The following ZBTB11 variants were observed in gnomAD, a reference collection of about 807,000 sequenced individuals.
The protein encoded by ZBTB11 is zinc finger and BTB domain-containing protein 11.
In ZBTB11, 68 loss-of-function variants were observed where a neutral mutation model predicts 113.1. The observed-to-expected ratio is 0.60, with a 90% CI of 0.49 to 0.74. The LOEUF is 0.74. Among genes scored for constraint, ZBTB11 ranks in the 30% least tolerant of loss-of-function variants. The probability of loss-of-function intolerance (pLI) is 0.00; values close to 1 mark genes in which losing one functional copy is unlikely to be tolerated. For synonymous variants in ZBTB11, 518 were observed against 452.6 expected (o/e 1.14, Z -1.83); for missense variants, 1,104 against 1,279.4 (o/e 0.86, Z 2.09).
At chr3:101,670,636 T>G (rs1030849045) in intron 3 of ZBTB11, 1 of 152,556 alleles carries the variant, frequency 6.6e-6, no homozygotes, top group Non-Finnish European at 1.5e-5. Context: ...GCTTTTTATT[T>G]TTAGAGGCAG....
intron 3 of ZBTB11, among the ~76,000 whole-genome samples, chr3:101,666,710 A>G (rs911676996): frequency 9.2e-5 from 14 of 152,138 alleles, no homozygotes; most frequent in African/African-American, 2.9e-4. Flanking sequence ...GCTCTCCAGA[A>G]TTTCATTATA....
chr3:101,667,287 G>A (rs1937013117), intron 3 of ZBTB11, among the ~76,000 whole-genome samples: 1 of 152,160 alleles, frequency 6.6e-6, no homozygotes, highest in African/African-American at 2.4e-5. Context: ...GGATACTCCT[G>A]CCTTGGCATC....
rs1385253919 is a variant in ZBTB11 at position 101,651,012 on chromosome 3, T to C, written c.*154A>G. The C allele has an allele frequency of 3.7e-6, 3 of 807,790 alleles. No homozygotes were observed. Among genetic ancestry groups the C allele is most frequent in the Non-Finnish European group, 5.6e-6 (3 of 539,344 alleles). 50.0% of individuals were successfully genotyped at this position (807,790 alleles called of 1,614,324 possible). ...AAACGGACTTTTCTATAGAACCCATTGGCCAGACAAAATGTTTGGAAACGT... is the reference window on the plus strand; with the variant it reads ...AAACGGACTTTTCTATAGAACCCATCGGCCAGACAAAATGTTTGGAAACGT... On this transcript the variant is annotated 3_prime_UTR_variant, in exon 11 of 11. Coordinates refer to ENST00000312938, the MANE Select transcript of ZBTB11 (RefSeq NM_014415.4).
At position 101,656,251 on chromosome 3, in the gene ZBTB11, A is replaced by G. The variant is rs978405082; in HGVS notation, c.2047-3T>C. 2 of 1,541,946 alleles carry G rather than the reference A, an allele frequency of 1.3e-6. No homozygotes were observed. Among genetic ancestry groups the G allele is most frequent in the Non-Finnish European group, 1.7e-6 (2 of 1,145,662 alleles). On this transcript the variant is annotated splice_polypyrimidine_tract_variant and splice_region_variant and intron_variant, in intron 6 of 10. Transcript: ENST00000312938. ...TAGATAAAAGTCTTTCCACAGACCT[A>G]AGATAGAACAGGGGTGATTAAGTCA...
At chr3:101,654,862 C>G in intron 7 of ZBTB11, 41 bp from the exon 8 acceptor site, 1 of 1,537,790 alleles carries the variant, frequency 6.5e-7, no homozygotes, top group Non-Finnish European at 8.9e-7. Context: ...ATCCAGCAAT[C>G]AGTCCTCTTT....
Position 101,671,994 on chromosome 3 carries a change from T to C in ZBTB11, c.530A>G (p.Lys177Arg), listed in dbSNP as rs769460910. ...ACCACTTACAAACACAAGTTCATGTTTGGATACTGGCTTCTTTTTTGCAGG... is the reference window on the plus strand; with the variant it reads ...ACCACTTACAAACACAAGTTCATGTCTGGATACTGGCTTCTTTTTTGCAGG... Reference protein sequence around the residue: ...SKPAKKKPVSKHELVFVDTKG... With the variant: ...SKPAKKKPVSRHELVFVDTKG... Residue 177 changes from lysine to arginine, a missense_variant, in exon 2 of 11, where the codon AAA becomes AGA. By Grantham distance (26) the Lys-to-Arg change is conservative. Coordinates refer to ENST00000312938, the MANE Select transcript of ZBTB11 (RefSeq NM_014415.4). 3 of 1,613,970 alleles carry C rather than the reference T, an allele frequency of 1.9e-6. No individual in the cohort carries two copies. The highest frequency in any genetic ancestry group is 2.5e-6 in the Non-Finnish European group (3 of 1,179,844).
At position 101,665,192 on chromosome 3, in the gene ZBTB11, A is replaced by G. The variant is rs544289424; in HGVS notation, c.1395T>C (p.Ile465=). 2 of 1,614,172 alleles carry G rather than the reference A, an allele frequency of 1.2e-6. No homozygotes were observed. Among genetic ancestry groups the G allele is most frequent in the Non-Finnish European group, 1.7e-6 (2 of 1,180,032 alleles). ...TATGTTTTGGAATGTCTTCGGCACA[A>G]ATATCCTCAGCTGATATATCATTTC... is the stretch of plus-strand genomic sequence containing the variant. ...GMGNDISAED[I]CAEDIPKHRQ... Residue 465 remains isoleucine (I), a synonymous_variant, in exon 4 of 11, where the codon ATT becomes ATC. Transcript: ENST00000312938.
intron 3 of ZBTB11, among the ~76,000 whole-genome samples, chr3:101,666,582 T>C (rs1289297099): frequency 2.6e-5 from 4 of 152,206 alleles, no homozygotes; most frequent in African/African-American, 7.2e-5. Context: ...TTTTCTAAAA[T>C]TCTCAGTGAT....
At position 101,657,785 on chromosome 3, in the gene ZBTB11, G is replaced by A. The variant is rs1936823976; in HGVS notation, c.2047-1537C>T. Among the ~76,000 whole-genome samples the A allele has an allele frequency of 2.0e-5, 3 of 152,084 alleles. No individual in the cohort carries two copies. In the South Asian group the frequency reaches 6.2e-4, roughly 32 times the overall value. ...GAACAGCTTGAGACCAGGAGTTCAA[G>A]ACCAGTCTGGGCAATATAGCAAGAT... On this transcript the variant is annotated intron_variant, in intron 6 of 10. Transcript: ENST00000312938.
intron 3 of ZBTB11, among the ~76,000 whole-genome samples, chr3:101,670,413 AAATTCTAGTGAAGCCAAAAGAAAGTTG>A: frequency 6.6e-6 from 1 of 152,368 alleles, no homozygotes; most frequent in East Asian, 1.9e-4. Context: ...GCCAATATAT[AAATTCTAGTGAAGCCAAAAGAAAGTTG>A]AACTATTTAT....
chr3:101,661,869 AC>A (rs1936893408), intron 5 of ZBTB11, among the ~76,000 whole-genome samples: 1 of 152,090 alleles, frequency 6.6e-6, no homozygotes, highest in Non-Finnish European at 1.5e-5. Context: ...AGTATCTCAG[AC>A]CAATTCTATT....
chr3:101,664,466 T>C (rs1576648795), intron 5 of ZBTB11, 72 bp downstream of exon 5: 1 of 1,422,466 alleles, frequency 7.0e-7, no homozygotes, highest in Non-Finnish European at 9.5e-7. Flanking sequence ...AGCGAAAAGA[T>C]AACCATGCAG....
rs571557830 is a variant in ZBTB11 at position 101,667,837 on chromosome 3, A to G, written c.779-2029T>C. 5.9e-5 allele frequency among the ~76,000 whole-genome samples: 9 copies of G among 152,264 alleles called. No homozygotes were observed. The South Asian group carries it at 1.9e-3, about 32-fold the overall frequency. ...TCAAAAAACTAAAAATATAACTACT[A>G]TATGATCCAGCAATCCCACTACTGG... On this transcript the variant is annotated intron_variant, in intron 3 of 10. Coordinates refer to ENST00000312938, the MANE Select transcript of ZBTB11 (RefSeq NM_014415.4).
At chr3:101,655,253 G>C (rs1187249138) in intron 7 of ZBTB11, among the ~76,000 whole-genome samples, 1 of 152,192 alleles carries the variant, frequency 6.6e-6, no homozygotes, top group Non-Finnish European at 1.5e-5. Flanking sequence ...ACATTTGGCA[G>C]ACATCTAAGA....
intron 8 of ZBTB11, among the ~76,000 whole-genome samples, chr3:101,653,670 A>T (rs1936743651): frequency 6.6e-6 from 1 of 152,212 alleles, no homozygotes; most frequent in South Asian, 2.1e-4. Flanking sequence ...CAACAAATAC[A>T]TCAAGTAGGA....
chr3:101,666,400 A>C (rs1179491619), intron 3 of ZBTB11, among the ~76,000 whole-genome samples: 1 of 152,256 alleles, frequency 6.6e-6, no homozygotes, highest in Non-Finnish European at 1.5e-5. Context: ...GCTGGAAAGC[A>C]GATATACACC....
At chr3:101,665,842 G>T in intron 3 of ZBTB11, 34 bp from the exon 4 acceptor site, 3 of 1,531,056 alleles carry the variant, frequency 2.0e-6, no homozygotes, top group Non-Finnish European at 2.6e-6. Flanking sequence ...AGACAAAAAA[G>T]TCAATTATCA....
chr3:101,653,078 A>G (rs7629753), intron 8 of ZBTB11, 140 bp from the exon 9 acceptor site: 318,756 of 918,174 alleles, frequency 0.35, 56,925 homozygotes, highest in African/African-American at 0.43. Flanking sequence ...TTCTAATCTT[A>G]CATAAAGGCT....
intron 4 of ZBTB11, 79 bp downstream of exon 4, chr3:101,664,885 A>G: frequency 6.5e-7 from 1 of 1,528,100 alleles, no homozygotes; most frequent in South Asian, 1.3e-5. Flanking sequence ...AATAATTTTC[A>G]TTATAGCCAT....
Sources: gnomAD v4.1 joint callset for allele counts (sites outside exome capture counted in the v4.1 genomes callset) on GRCh38, gnomAD v4.1.1 for gene constraint, MANE v1.5 for transcripts, NCBI Gene and HGNC (gene_info 2026-07-23, HGNC 2026-07-21) for gene names.